Variants in KAZN observed in about 807,000 individuals in gnomAD.
KAZN encodes kazrin.
A neutral mutation model predicts 87.4 loss-of-function variants in KAZN; 40 were observed. The observed-to-expected ratio is 0.46, with a 90% CI of 0.36 to 0.60. KAZN has a LOEUF of 0.60. Ranked by LOEUF, KAZN falls within the 20% of genes least tolerant of loss-of-function variation. The pLI, the probability that KAZN is intolerant of heterozygous loss-of-function variation, is 0.00. For synonymous variants in KAZN, 466 were observed against 458.3 expected (o/e 1.02, Z -0.22); for missense variants, 898 against 1,073.9 (o/e 0.84, Z 2.29).
intron 1 of KAZN, among the ~76,000 whole-genome samples, chr1:14,849,054 A>T (rs1372795020): frequency 6.6e-6 from 1 of 152,170 alleles, no homozygotes. Context: ...CTCATTTTAC[A>T]GACCAGCGAA....
At chr1:14,466,500 G>C (rs1000150990) in intron 2 of KAZN, among the ~76,000 whole-genome samples, 1 of 151,994 alleles carries the variant, frequency 6.6e-6, no homozygotes, top group African/African-American at 2.4e-5. Context: ...CTCAGGGAGT[G>C]GGGTGAGGGG....
intron 3 of KAZN, among the ~76,000 whole-genome samples, chr1:15,035,931 C>G (rs1339447378): frequency 3.3e-5 from 5 of 152,228 alleles, no homozygotes; most frequent in African/African-American, 4.8e-5. Context: ...AGCAGCAGGC[C>G]AGGTGAATGA....
At chr1:14,861,276 G>A (rs1025247213) in intron 1 of KAZN, among the ~76,000 whole-genome samples, 1 of 152,224 alleles carries the variant, frequency 6.6e-6, no homozygotes, top group Non-Finnish European at 1.5e-5. Context: ...CTACTTGGGA[G>A]GCTGAGGCGG....
chr1:15,104,576 G>A (rs1384148414), intron 13 of KAZN, among the ~76,000 whole-genome samples: 2 of 152,224 alleles, frequency 1.3e-5, no homozygotes, highest in Non-Finnish European at 2.9e-5. Flanking sequence ...TGGGGCAACT[G>A]TGGGGACAAA....
chr1:14,429,794 C>T (rs1285032211), intron 2 of KAZN, among the ~76,000 whole-genome samples: 1 of 152,154 alleles, frequency 6.6e-6, no homozygotes, highest in East Asian at 1.9e-4. Flanking sequence ...CCGACGTCAT[C>T]GTTCCTATTG....
At chr1:14,245,496 A>G (rs193180611) in intron 2 of KAZN, among the ~76,000 whole-genome samples, 110 of 152,262 alleles carry the variant, frequency 7.2e-4, no homozygotes, top group Admixed American at 1.1e-3. Context: ...TGAATTAAAC[A>G]CTTCGGCAGT....
At chr1:13,952,032 A>G (rs968597080) in intron 1 of KAZN, among the ~76,000 whole-genome samples, 6 of 152,096 alleles carry the variant, frequency 3.9e-5, no homozygotes, top group Non-Finnish European at 7.4e-5. Context: ...CTTAACCCAG[A>G]TCCCTGCAGG....
At chr1:14,326,775 T>A (rs746916383) in intron 2 of KAZN, among the ~76,000 whole-genome samples, 36 of 152,164 alleles carry the variant, frequency 2.4e-4, no homozygotes, top group Non-Finnish European at 4.7e-4. Flanking sequence ...ACATTCCAAT[T>A]TCTGCACAGC....
chr1:14,590,807 C>T (rs1676148761), intron 2 of KAZN, among the ~76,000 whole-genome samples: 2 of 152,176 alleles, frequency 1.3e-5, no homozygotes, highest in African/African-American at 2.4e-5. Flanking sequence ...CTCAACAAGT[C>T]TATGAAATCA....
At chr1:13,912,005 CT>C (rs1163718234) in intron 1 of KAZN, among the ~76,000 whole-genome samples, 1 of 152,152 alleles carries the variant, frequency 6.6e-6, no homozygotes, top group Non-Finnish European at 1.5e-5. Context: ...TTAAATCTCT[CT>C]GAACCACGGC....
At chr1:15,032,093 C>A (rs954464087) in intron 2 of KAZN, among the ~76,000 whole-genome samples, 1 of 152,040 alleles carries the variant, frequency 6.6e-6, no homozygotes, top group African/African-American at 2.4e-5. Context: ...GCTACCACCC[C>A]TCCCTCCCCG....
Position 14,798,258 on chromosome 1 carries a change from G to A in KAZN, c.227-162426G>A, listed in dbSNP as rs577715697. Among the ~76,000 whole-genome samples the A allele has an allele frequency of 3.3e-5, 5 of 152,132 alleles. No individual in the cohort carries two copies. The East Asian group carries it at 5.8e-4, about 18-fold the overall frequency. On this transcript the variant is annotated intron_variant, in intron 1 of 14. Coordinates refer to ENST00000376030, the MANE Select transcript of KAZN (RefSeq NM_201628.3). ...ACGTTGCTTGCCCTCTTAGTGGAGG[G>A]CTCACTCTCTCCTGGAGCCCACACT...
At chr1:14,863,312 C>T (rs1651080084) in intron 1 of KAZN, among the ~76,000 whole-genome samples, 1 of 152,174 alleles carries the variant, frequency 6.6e-6, no homozygotes, top group South Asian at 2.1e-4. Flanking sequence ...ATTTATCCTT[C>T]GGTGTGACAG....
intron 1 of KAZN, among the ~76,000 whole-genome samples, chr1:14,852,780 G>C (rs866727171): frequency 6.6e-6 from 1 of 152,202 alleles, no homozygotes; most frequent in Non-Finnish European, 1.5e-5. Context: ...ATAAGATTAC[G>C]TGTTAGCTTT....
At chr1:14,902,346 T>C (rs899396337) in intron 1 of KAZN, among the ~76,000 whole-genome samples, 6 of 151,720 alleles carry the variant, frequency 4.0e-5, no homozygotes, top group African/African-American at 1.2e-4. Flanking sequence ...CTGCCTCAGC[T>C]TCCTGAGTAG....
rs1172272899 is a variant in KAZN at position 14,816,195 on chromosome 1, C to T, written c.227-144489C>T. ...GTAGCAATCTACTAGATATCCATTG[C>T]AATGTAATGAATCACTACACACTTG... On this transcript the variant is annotated intron_variant, in intron 1 of 14. Transcript: ENST00000376030. 3.3e-5 allele frequency among the ~76,000 whole-genome samples: 5 copies of T among 152,130 alleles called. 1 individual carries two copies. Among genetic ancestry groups the T allele is most frequent in the Non-Finnish European group, 7.3e-5 (5 of 68,034 alleles).
At chr1:14,519,400 A>G (rs1671463199) in intron 2 of KAZN, among the ~76,000 whole-genome samples, 2 of 152,172 alleles carry the variant, frequency 1.3e-5, no homozygotes, top group Non-Finnish European at 2.9e-5. Flanking sequence ...CAAAGAAAGG[A>G]CTTGTCTGAG....
chr1:14,157,007 T>G (rs1645609683), intron 1 of KAZN, among the ~76,000 whole-genome samples: 1 of 151,946 alleles, frequency 6.6e-6, no homozygotes. Context: ...TGTATCCTTG[T>G]AGTTTTTTGA....
At chr1:14,874,674 A>G (rs1652561629) in intron 1 of KAZN, among the ~76,000 whole-genome samples, 1 of 152,200 alleles carries the variant, frequency 6.6e-6, no homozygotes, top group South Asian at 2.1e-4. Flanking sequence ...CTCCTTCTCC[A>G]TTCACCCAAC....
Sources: allele counts gnomAD v4.1 joint callset (sites outside exome capture counted in the v4.1 genomes callset), GRCh38; gene constraint gnomAD v4.1.1; transcripts MANE v1.5; gene names NCBI Gene and HGNC (gene_info 2026-07-23, HGNC 2026-07-21).